GRM6: variants seen among roughly 807,000 people sequenced by gnomAD.
GRM6 encodes glutamate metabotropic receptor 6.
In GRM6, 73 loss-of-function variants were observed where a neutral mutation model predicts 78.4. The observed-to-expected ratio is 0.93, with a 90% CI of 0.77 to 1.13. The LOEUF (loss-of-function observed/expected upper bound fraction) is 1.13. Among genes scored for constraint, GRM6 ranks in the 50% most tolerant of loss-of-function variants. GRM6 has a pLI of 0.00. For missense variants in GRM6, 1,251 were observed against 1,256.4 expected, an observed-to-expected ratio of 1.00 and a Z score of 0.07; for synonymous variants, 580 against 555.0, an observed-to-expected ratio of 1.05 and a Z score of -0.63.
At chr5:178,984,106 T>A (rs1760459660) in intron 9 of GRM6, among the ~76,000 whole-genome samples, 1 of 151,934 alleles carries the variant, frequency 6.6e-6, no homozygotes, top group South Asian at 2.1e-4. Context: ...AATAAGTGGA[T>A]CACGAGGTCA....
rs749330754 is a variant in GRM6 at position 178,994,778 on chromosome 5, G to T, written c.167C>A (p.Ala56Glu). The change falls in exon 2 of 11, where the codon GCG (alanine) becomes GAG (glutamate). Residue 56 changes from alanine (A) to glutamate (E), a missense_variant. Transcript: ENST00000517717. ...CTGCTCCTTCTTCAGCTGCCCGCAC[G>T]CCCGGCCCGCCGCGCCCCGCGCGTG... ...PVHARGAAGR[A>E]CGQLKKEQGV... 4 of 1,346,430 alleles carry T rather than the reference G, an allele frequency of 3.0e-6. No individual in the cohort carries two copies. Among genetic ancestry groups the T allele is most frequent in the Non-Finnish European group, 3.8e-6 (4 of 1,042,708 alleles). The allele number at this position is 1,346,430 out of a possible 1,614,324, so 83.4% of individuals were successfully genotyped here. A position where few individuals can be genotyped will look rare whatever the true frequency, so the allele number is the denominator to read the frequency against.
intron 2 of GRM6, among the ~76,000 whole-genome samples, chr5:178,993,534 C>T (rs1760718673): frequency 6.6e-6 from 1 of 152,092 alleles, no homozygotes; most frequent in African/African-American, 2.4e-5. Flanking sequence ...GACGCTGCGC[C>T]CGGGAGTCGG....
At position 178,991,365 on chromosome 5, in the gene GRM6, G is replaced by A; in HGVS notation, c.857+59C>T. 6.6e-7 allele frequency: 1 copy of A among 1,516,018 alleles called. No individual in the cohort carries two copies. The highest frequency in any genetic ancestry group is 1.7e-5 in the Admixed American group (1 of 59,932). 93.9% of individuals were successfully genotyped at this position (1,516,018 alleles called of 1,614,324 possible). The stretch of plus-strand genomic sequence containing the variant: ...GTGTGTAAGGTGGCGATGTGCAAGA[G>A]GAGGGGTGGGACCCTCAGGGAGAGC... On this transcript the variant is annotated intron_variant, in intron 4 of 10. Transcript: ENST00000517717. The surrounding 1 kb of genome is among the most constrained non-coding windows in gnomAD (Gnocchi z 5.0).
At position 178,988,801 on chromosome 5, in the gene GRM6, C is replaced by T. The variant is rs1330638455; in HGVS notation, c.1354+134G>A. ...CGGAACTTGTCTCATGTCTTTGGCA[C>T]TCAGCCCCAGGCACCCCCATTAGAC... On this transcript the variant is annotated intron_variant, in intron 7 of 10. Transcript: ENST00000517717. This position sits in a 1 kb window ranked among gnomAD's most constrained non-coding sequence, Gnocchi z 6.0. The T allele has an allele frequency of 4.3e-6, 3 of 704,246 alleles. No individual in the cohort carries two copies. Among genetic ancestry groups the T allele is most frequent in the East Asian group, 2.7e-5 (1 of 36,980 alleles). 43.6% of individuals were successfully genotyped at this position (704,246 alleles called of 1,614,324 possible).
Position 178,994,780 on chromosome 5 carries a change from C to G in GRM6, c.165G>C (p.Arg55=). The change falls in exon 2 of 11, where the codon CGG becomes CGC. Residue 55 remains arginine (R), a synonymous_variant. Transcript: ENST00000517717. ...GCTCCTTCTTCAGCTGCCCGCACGC[C>G]CGGCCCGCCGCGCCCCGCGCGTGCA... is the stretch of plus-strand genomic sequence containing the variant. ...FPVHARGAAG[R]ACGQLKKEQG... The G allele has an allele frequency of 7.4e-7, 1 of 1,345,624 alleles. No homozygotes were observed. Among genetic ancestry groups the G allele is most frequent in the Non-Finnish European group, 9.6e-7 (1 of 1,042,342 alleles). The allele number at this position is 1,345,624 out of a possible 1,614,324, so 83.4% of individuals were successfully genotyped here. A position where few individuals can be genotyped will look rare whatever the true frequency, so the allele number is the denominator to read the frequency against.
chr5:178,988,893 C>T lies in GRM6; in HGVS notation c.1354+42G>A. On this transcript the variant is annotated intron_variant, in intron 7 of 10. Coordinates refer to ENST00000517717, the MANE Select transcript of GRM6 (RefSeq NM_000843.4). This position sits in a 1 kb window ranked among gnomAD's most constrained non-coding sequence, Gnocchi z 6.0. Reference sequence around the variant, plus strand: ...GGCCTCACAGCAAAATCCAGCCCCCCAGCTGTCCTTCACTGCTGCAGGGGG... The same window carrying T: ...GGCCTCACAGCAAAATCCAGCCCCCTAGCTGTCCTTCACTGCTGCAGGGGG... 1.3e-6 allele frequency: 2 copies of T among 1,538,516 alleles called. No homozygotes were observed. Among genetic ancestry groups the T allele is most frequent in the African/African-American group, 1.4e-5 (1 of 73,666 alleles).
Position 178,990,693 on chromosome 5 carries a change from A to G in GRM6, c.911T>C (p.Val304Ala), listed in dbSNP as rs1561720002. ...QANLTGHFLW[V>A]GSDSWGAKTS... ...CTTGGCTCCCCAGCTGTCTGAGCCG[A>G]CCCACAGGAAGTGGCCGGTCAGGTT... Residue 304 changes from valine (V) to alanine (A), a missense_variant, in exon 5 of 11, where the codon GTC becomes GCC. By Grantham distance (64) the Val-to-Ala change is moderately conservative. Coordinates refer to ENST00000517717, the MANE Select transcript of GRM6 (RefSeq NM_000843.4). 6.3e-7 allele frequency: 1 copy of G among 1,598,042 alleles called. No individual in the cohort carries two copies. The highest frequency in any genetic ancestry group is 8.5e-7 in the Non-Finnish European group (1 of 1,173,276).
At position 178,986,454 on chromosome 5, in the gene GRM6, A is replaced by G. The variant is rs1760552729; in HGVS notation, c.1800T>C (p.Thr600=). The G allele has an allele frequency of 4.3e-6, 7 of 1,612,526 alleles. No homozygotes were observed. Among genetic ancestry groups the G allele is most frequent in the South Asian group, 1.1e-5 (1 of 91,060 alleles). ...GCACGAAGGTGGCCACCACCGTGGTAGTGGCCACGATGCCCAGCACGGCCA... is the reference window on the plus strand; with the variant it reads ...GCACGAAGGTGGCCACCACCGTGGTGGTGGCCACGATGCCCAGCACGGCCA... ...LLLAVLGIVA[T]TTVVATFVRY... Residue 600 remains threonine, a synonymous_variant, in exon 9 of 11, where the codon ACT becomes ACC. Transcript: ENST00000517717.
chr5:178,985,428 G>A (rs905614408), intron 9 of GRM6: 5 of 357,170 alleles, frequency 1.4e-5, no homozygotes, highest in African/African-American at 6.5e-5. Flanking sequence ...AACTCACTGG[G>A]CGCAGCGGCT....
chr5:178,983,861 A>T (rs751092705), intron 9 of GRM6, among the ~76,000 whole-genome samples: 1 of 152,126 alleles, frequency 6.6e-6, no homozygotes, highest in Non-Finnish European at 1.5e-5. Flanking sequence ...TAAAGGCGGG[A>T]CCCTGGAAGG....
In GRM6 at chr5:178,992,384, C is replaced by G. The variant is rs940519458; in HGVS notation, c.505-301G>C. On this transcript the variant is annotated intron_variant, in intron 2 of 10. Coordinates refer to ENST00000517717, the MANE Select transcript of GRM6 (RefSeq NM_000843.4). The surrounding 1 kb of genome is among the most constrained non-coding windows in gnomAD (Gnocchi z 4.9). The stretch of plus-strand genomic sequence containing the variant: ...CCACATATACTGGTACAAGCTGTGT[C>G]CTGAACAAGGACCCCCAGCAGAGGG... 7 of 404,154 alleles carry G rather than the reference C, an allele frequency of 1.7e-5. No homozygotes were observed. The highest frequency in any genetic ancestry group is 5.1e-5 in the South Asian group (3 of 58,756). 25.0% of individuals were successfully genotyped at this position (404,154 alleles called of 1,614,324 possible).
At chr5:178,982,795 C>T (rs1760424024) in intron 10 of GRM6, 115 bp downstream of exon 10, 8 of 750,542 alleles carry the variant, frequency 1.1e-5, no homozygotes, top group Non-Finnish European at 1.9e-5. Flanking sequence ...AGTGAATGAA[C>T]AAGCAGCCAG....
At chr5:178,984,600 C>A (rs956317141) in intron 9 of GRM6, among the ~76,000 whole-genome samples, 1 of 152,082 alleles carries the variant, frequency 6.6e-6, no homozygotes, top group East Asian at 1.9e-4. Flanking sequence ...CTAAGCATCT[C>A]CACCTGAGGG....
chr5:178,981,555 G>T lies in GRM6; in HGVS notation c.*102C>A. 2 of 907,018 alleles carry T rather than the reference G, an allele frequency of 2.2e-6. No individual in the cohort carries two copies. Among genetic ancestry groups the T allele is most frequent in the Non-Finnish European group, 1.7e-6 (1 of 572,254 alleles). 56.2% of individuals were successfully genotyped at this position (907,018 alleles called of 1,614,324 possible). A position where few individuals can be genotyped will look rare whatever the true frequency, so the allele number is the denominator to read the frequency against. On this transcript the variant is annotated 3_prime_UTR_variant, in exon 11 of 11. Transcript: ENST00000517717. The surrounding 1 kb of genome is among the most constrained non-coding windows in gnomAD (Gnocchi z 5.1). ...GGAGCATGGTCTTGGCAAACTCCCT[G>T]CCACTGACTGTTCACCGTGGACCCG...
At chr5:178,986,002 T>C (rs1760532436) in intron 9 of GRM6, 128 bp downstream of exon 9, 3 of 823,948 alleles carry the variant, frequency 3.6e-6, no homozygotes, top group African/African-American at 1.7e-5. Context: ...ACTCAGGTGA[T>C]CCACCCACCT....
rs759974039 is a variant in GRM6, at chr5:178,992,851, G to A, written c.505-768C>T. On this transcript the variant is annotated intron_variant, in intron 2 of 10. Coordinates refer to ENST00000517717, the MANE Select transcript of GRM6 (RefSeq NM_000843.4). The surrounding 1 kb of genome is among the most constrained non-coding windows in gnomAD (Gnocchi z 4.9). The stretch of plus-strand genomic sequence containing the variant: ...AGAGACAGCATGAAAAGGAAGCCGG[G>A]AGTGGCAGGGAGAGAGAAAGAAAGA... 2.0e-5 allele frequency among the ~76,000 whole-genome samples: 3 copies of A among 152,002 alleles called. No homozygotes were observed. Among genetic ancestry groups the A allele is most frequent in the Non-Finnish European group, 4.4e-5 (3 of 68,010 alleles).
chr5:178,984,775 C>T lies in GRM6; in HGVS notation c.2124+1355G>A, dbSNP rs191221640. Reference sequence around the variant, plus strand: ...GAACTGCATGACCCGAGGCACGTGGCGTGTGTGGAACGAATAGAGAAGGGG... The same window carrying T: ...GAACTGCATGACCCGAGGCACGTGGTGTGTGTGGAACGAATAGAGAAGGGG... On this transcript the variant is annotated intron_variant, in intron 9 of 10. Coordinates refer to ENST00000517717, the MANE Select transcript of GRM6 (RefSeq NM_000843.4). 1.2e-3 allele frequency among the ~76,000 whole-genome samples: 185 copies of T among 152,222 alleles called. No homozygotes were observed. The South Asian group carries it at 0.014, about 11-fold the overall frequency.
Position 178,981,451 on chromosome 5 carries a change from T to G in GRM6, c.*206A>C. 1.7e-6 allele frequency: 1 copy of G among 579,430 alleles called. No individual in the cohort carries two copies. The highest frequency in any genetic ancestry group is 2.1e-5 in the South Asian group (1 of 48,716). 35.9% of individuals were successfully genotyped at this position (579,430 alleles called of 1,614,324 possible). On this transcript the variant is annotated 3_prime_UTR_variant, in exon 11 of 11. Transcript: ENST00000517717. The surrounding 1 kb of genome is among the most constrained non-coding windows in gnomAD (Gnocchi z 5.1). ...CATGGGAAGCGAGTCTGGTCTGTGG[T>G]GAGGAAGCATGAAGCTCACATGCTG...
At position 178,986,925 on chromosome 5, in the gene GRM6, G is replaced by A. The variant is rs1760575482; in HGVS notation, c.1413C>T (p.Asp471=). 5.6e-6 allele frequency: 9 copies of A among 1,614,114 alleles called. No individual in the cohort carries two copies. The highest frequency in any genetic ancestry group is 7.6e-6 in the Non-Finnish European group (9 of 1,179,984). The change falls in exon 8 of 11, where the codon GAC becomes GAT. Residue 471 remains aspartate, a synonymous_variant. Transcript: ENST00000517717. The stretch of plus-strand genomic sequence containing the variant: ...CATTGGTCGCCTGGTACTGGAAGAT[G>A]TCGTACCGCCCGGGCGCATCTCCGT... The part of the protein sequence containing the change: ...NENGDAPGRY[D]IFQYQATNGS...
Sources: allele counts gnomAD v4.1 joint callset (sites outside exome capture counted in the v4.1 genomes callset), GRCh38; gene constraint gnomAD v4.1.1; non-coding constraint Gnocchi (gnomAD v3.1); transcripts MANE v1.5; gene names NCBI Gene and HGNC (gene_info 2026-07-23, HGNC 2026-07-21).